Variants in IL15 observed in about 807,000 individuals in gnomAD.
IL15 encodes interleukin-15.
Under a neutral mutation model 19.6 loss-of-function variants are expected in IL15, and 11 were observed. The observed-to-expected ratio is 0.56, with a 90% CI of 0.35 to 0.93. The LOEUF (loss-of-function observed/expected upper bound fraction) is 0.93. IL15 is among the 40% of genes least tolerant of loss of function. The probability of loss-of-function intolerance (pLI) is 0.01; values close to 1 mark genes in which losing one functional copy is unlikely to be tolerated. For missense variants in IL15, 197 were observed against 186.5 expected (o/e 1.06, Z -0.33); for synonymous variants, 58 against 59.6 (o/e 0.97, Z 0.12).
At chr4:141,696,742 T>C (rs1729108503) in intron 2 of IL15, among the ~76,000 whole-genome samples, 1 of 152,140 alleles carries the variant, frequency 6.6e-6, no homozygotes, top group Non-Finnish European at 1.5e-5. Context: ...TGGTTTTAAT[T>C]TGCATTTCCC....
intron 1 of IL15, among the ~76,000 whole-genome samples, chr4:141,640,070 T>C (rs1726992698): frequency 6.6e-6 from 1 of 152,196 alleles, no homozygotes; most frequent in African/African-American, 2.4e-5. Context: ...CAAGGTTTAC[T>C]TTTTACTCAG....
intron 2 of IL15, among the ~76,000 whole-genome samples, chr4:141,672,603 C>G (rs1469501015): frequency 2.6e-5 from 4 of 152,158 alleles, no homozygotes; most frequent in Non-Finnish European, 5.9e-5. Flanking sequence ...AAAACACAAA[C>G]TTGTCCATTT....
intron 1 of IL15, among the ~76,000 whole-genome samples, chr4:141,639,827 G>A (rs1458496343): frequency 6.6e-6 from 1 of 152,150 alleles, no homozygotes; most frequent in Non-Finnish European, 1.5e-5. Flanking sequence ...TGTCCTATAG[G>A]AATGGGTTGG....
Position 141,695,272 on chromosome 4 carries a change from CTTTTTTTTTTTTTTTT to C in IL15, c.-99-24081_-99-24066del. Reference sequence around the variant, plus strand: ...CTCTTCTGCTCTGCTTCTATGATACCTTTTTTTTTTTTTTTTTTTTTTTTTTTTAAGATTCCACATA... The same window carrying C: ...CTCTTCTGCTCTGCTTCTATGATACCTTTTTTTTTTTTAAGATTCCACATA... On this transcript the variant is annotated intron_variant, in intron 2 of 7. Transcript: ENST00000320650. 6.4e-5 allele frequency among the ~76,000 whole-genome samples: 4 copies of C among 62,584 alleles called. No homozygotes were observed. The East Asian group carries it at 2.4e-3, about 38-fold the overall frequency. The allele number at this position is 62,584 out of a possible 152,430, so 41.1% of individuals were successfully genotyped here.
intron 6 of IL15, 111 bp downstream of exon 6, chr4:141,728,095 T>G (rs1408516400): frequency 1.7e-6 from 1 of 599,546 alleles, no homozygotes; most frequent in Non-Finnish European, 2.9e-6. Context: ...TTTTGGTGTG[T>G]TTCTATAATA....
chr4:141,650,146 A>G (rs1560901445), intron 1 of IL15, among the ~76,000 whole-genome samples: 2 of 152,080 alleles, frequency 1.3e-5, no homozygotes, highest in Non-Finnish European at 2.9e-5. Flanking sequence ...CTACTCCTCC[A>G]AGGTAGAGGT....
intron 2 of IL15, among the ~76,000 whole-genome samples, chr4:141,674,628 T>C (rs1728281155): frequency 6.6e-6 from 1 of 152,012 alleles, no homozygotes; most frequent in Non-Finnish European, 1.5e-5. Context: ...TGAAGTTTCA[T>C]AAAATAAAAT....
intron 2 of IL15, among the ~76,000 whole-genome samples, chr4:141,710,319 A>T (rs1729674170): frequency 6.6e-6 from 1 of 152,116 alleles, no homozygotes; most frequent in Admixed American, 6.5e-5. Flanking sequence ...ACATTCTCAG[A>T]GAGTTTTAAC....
intron 1 of IL15, among the ~76,000 whole-genome samples, chr4:141,650,359 A>G (rs935318538): frequency 1.3e-5 from 2 of 152,212 alleles, no homozygotes; most frequent in Middle Eastern, 3.4e-3. Flanking sequence ...AAATCCCTCA[A>G]TGTCTACTAG....
At chr4:141,716,246 C>T (rs1250639789) in intron 2 of IL15, 1 of 152,224 alleles carries the variant, frequency 6.6e-6, no homozygotes, top group East Asian at 1.9e-4. Context: ...GGGATTTAGT[C>T]TCTTTTATTT....
chr4:141,700,503 A>T (rs1729248357), intron 2 of IL15, among the ~76,000 whole-genome samples: 1 of 152,134 alleles, frequency 6.6e-6, no homozygotes, highest in African/African-American at 2.4e-5. Flanking sequence ...TGTTAATCTG[A>T]TAGGTTTGAC....
At chr4:141,686,435 GA>G (rs1248752265) in intron 2 of IL15, among the ~76,000 whole-genome samples, 2 of 152,186 alleles carry the variant, frequency 1.3e-5, no homozygotes, top group Non-Finnish European at 2.9e-5. Context: ...TTATCGTCCA[GA>G]ATTTAAAGAG....
At chr4:141,652,200 A>G (rs1039195237) in intron 1 of IL15, among the ~76,000 whole-genome samples, 1 of 152,162 alleles carries the variant, frequency 6.6e-6, no homozygotes, top group Non-Finnish European at 1.5e-5. Flanking sequence ...TTAGATAAGA[A>G]TAGTTAATGA....
At chr4:141,723,164 T>G (rs567231039) in intron 5 of IL15, among the ~76,000 whole-genome samples, 2 of 152,282 alleles carry the variant, frequency 1.3e-5, no homozygotes, top group African/African-American at 4.8e-5. Context: ...AGGTTGAAAT[T>G]TAAAAAGACA....
rs28407169 is a variant in IL15 at position 141,641,258 on chromosome 4, T to C, written c.-222+4510T>C. ...GAAGGATTTTCGTTGTGAAAATTAT[T>C]CTAGCTTATGTTATTTAAAACACTA... On this transcript the variant is annotated intron_variant, in intron 1 of 7. Coordinates refer to ENST00000320650, the MANE Select transcript of IL15 (RefSeq NM_000585.5). Among the ~76,000 whole-genome samples the C allele has an allele frequency of 1.8e-3, 276 of 152,352 alleles. 1 individual carries two copies. The highest frequency in any genetic ancestry group is 6.2e-3 in the African/African-American group (256 of 41,582).
chr4:141,692,307 A>G (rs1161754959), intron 2 of IL15, among the ~76,000 whole-genome samples: 1 of 152,168 alleles, frequency 6.6e-6, no homozygotes, highest in Admixed American at 6.5e-5. Flanking sequence ...TGCCTTGAAG[A>G]TCTCTGAAAT....
intron 2 of IL15, among the ~76,000 whole-genome samples, chr4:141,686,635 TC>T (rs1469346673): frequency 6.6e-6 from 1 of 152,202 alleles, no homozygotes; most frequent in Non-Finnish European, 1.5e-5. Context: ...GCCTAACACA[TC>T]ATAGGCAAGA....
chr4:141,659,406 T>A (rs1379830659), intron 2 of IL15, among the ~76,000 whole-genome samples: 2 of 151,656 alleles, frequency 1.3e-5, no homozygotes, highest in African/African-American at 4.8e-5. Context: ...TTTCACCATG[T>A]TGGTCAGGCT....
intron 2 of IL15, among the ~76,000 whole-genome samples, chr4:141,670,495 C>T (rs1278430128): frequency 6.6e-6 from 1 of 152,078 alleles, no homozygotes; most frequent in African/African-American, 2.4e-5. Flanking sequence ...TTAAACTAAC[C>T]ATAATTAATG....
Sources: allele counts gnomAD v4.1 joint callset (sites outside exome capture counted in the v4.1 genomes callset), GRCh38; gene constraint gnomAD v4.1.1; transcripts MANE v1.5; gene names NCBI Gene and HGNC (gene_info 2026-07-23, HGNC 2026-07-21).